The following TMEM80 variants were observed in gnomAD, a reference collection of about 807,000 sequenced individuals.
The protein encoded by TMEM80 is transmembrane protein 80.
TMEM80 carries 16 observed loss-of-function variants against 13.6 expected under a neutral mutation model. The observed-to-expected ratio is 1.17, with a 90% confidence interval of 0.79 to 1.78. The LOEUF (loss-of-function observed/expected upper bound fraction) is 1.78. Among genes scored for constraint, TMEM80 ranks in the 40% most tolerant of loss-of-function variants. The pLI, the probability that TMEM80 is intolerant of heterozygous loss-of-function variation, is 0.00. For missense variants in TMEM80, 167 were observed against 184.6 expected (o/e 0.90, Z 0.55); for synonymous variants, 92 against 89.5 (o/e 1.03, Z -0.16).
intron 4 of TMEM80, among the ~76,000 whole-genome samples, chr11:701,923 G>C (rs1861516049): frequency 6.6e-6 from 1 of 152,224 alleles, no homozygotes; most frequent in African/African-American, 2.4e-5. Flanking sequence ...CCAGCGGGGT[G>C]CAGACTTCCA....
chr11:699,947 G>A (rs920348823), intron 2 of TMEM80, 195 bp from the exon 3 acceptor site: 65 of 564,082 alleles, frequency 1.2e-4, no homozygotes, highest in Non-Finnish European at 2.0e-4. Context: ...CAAAGGCCTT[G>A]TCAGCTCATG....
At chr11:698,909 C>T in intron 2 of TMEM80, 21 bp downstream of exon 2, 1 of 1,614,034 alleles carries the variant, frequency 6.2e-7, no homozygotes, top group Non-Finnish European at 8.5e-7. Flanking sequence ...GCGTGCCCCT[C>T]CAGGACAGCA....
downstream of TMEM80, chr11:704,161 A>C: frequency 1.8e-6 from 2 of 1,082,558 alleles, no homozygotes; most frequent in Non-Finnish European, 1.2e-6. Context: ...CCCCCACCCC[A>C]TCTCCAGTTC....
Position 703,539 on chromosome 11 carries a change from A to C in TMEM80, c.*389A>C. On this transcript the variant is annotated 3_prime_UTR_variant, in exon 5 of 5. Coordinates refer to ENST00000397510, the MANE Select transcript of TMEM80 (RefSeq NM_001042463.3). ...GAGGCCTCATCTCACTGCATCCCCC[A>C]TCACCCCCTAGTTCCCCAATGGTCC... 1 of 1,234,062 alleles carries C rather than the reference A, an allele frequency of 8.1e-7. No individual in the cohort carries two copies. Among genetic ancestry groups the C allele is most frequent in the Non-Finnish European group, 1.0e-6 (1 of 989,732 alleles). The allele number at this position is 1,234,062 out of a possible 1,614,324, so 76.4% of individuals were successfully genotyped here. A position where few individuals can be genotyped will look rare whatever the true frequency, so the allele number is the denominator to read the frequency against.
In TMEM80 at chr11:703,769, A is replaced by AT; in HGVS notation, c.*622dup. ...AAGCCAACAGCTCTGCTGCCTAGCAATTTCCATCTTAGCCACACTTCTCCC... is the reference window on the plus strand; with the variant it reads ...AAGCCAACAGCTCTGCTGCCTAGCAATTTTCCATCTTAGCCACACTTCTCCC... On this transcript the variant is annotated 3_prime_UTR_variant, in exon 5 of 5. Coordinates refer to ENST00000397510, the MANE Select transcript of TMEM80 (RefSeq NM_001042463.3). 1 of 1,232,980 alleles carries AT rather than the reference A, an allele frequency of 8.1e-7. No individual in the cohort carries two copies. 76.4% of individuals were successfully genotyped at this position (1,232,980 alleles called of 1,614,324 possible).
intron 2 of TMEM80, chr11:699,751 CA>C (rs891952478): frequency 0.019 from 3,092 of 165,180 alleles, 13 homozygotes; most frequent in South Asian, 0.032. Context: ...GACTCTATCT[CA>C]AAAAAAAAAA....
At position 700,141 on chromosome 11, in the gene TMEM80, G is replaced by A. The variant is rs767638025; in HGVS notation, c.40-1G>A. ...CTTGAGGATCCTTAACCACTCACCA[G>A]CTCTCTTCAGTTCCCCTTCAAATGC... On this transcript the variant is annotated splice_acceptor_variant, in intron 2 of 4. Coordinates refer to ENST00000397510, the MANE Select transcript of TMEM80 (RefSeq NM_001042463.3). LOFTEE classifies it high-confidence loss of function. 2 of 1,613,820 alleles carry A rather than the reference G, an allele frequency of 1.2e-6. No individual in the cohort carries two copies. The highest frequency in any genetic ancestry group is 2.7e-5 in the African/African-American group (2 of 74,918).
intron 1 of TMEM80, 137 bp from the exon 2 acceptor site, chr11:698,731 CG>C (rs1299517111): frequency 1.0e-6 from 1 of 988,348 alleles, no homozygotes; most frequent in African/African-American, 1.6e-5. Flanking sequence ...GGCAGGCCCA[CG>C]GTATATGTTT....
In TMEM80 at chr11:700,674, A is replaced by T. The variant is rs749921092; in HGVS notation, c.193A>T (p.Met65Leu). The change falls in exon 4 of 5, where the codon ATG becomes TTG. Residue 65 changes from methionine (M) to leucine (L), a missense_variant. Transcript: ENST00000397510. ...LVLDLALLFL[M>L]GILEAVRLYL... ...CCTCGATCTTGCTCTGCTGTTTCTG[A>T]TGGGGATTCTAGAAGCAGTTCGGTT... 1 of 1,613,970 alleles carries T rather than the reference A, an allele frequency of 6.2e-7. No homozygotes were observed. The highest frequency in any genetic ancestry group is 1.1e-5 in the South Asian group (1 of 91,074).
chr11:703,339 GC>G lies in TMEM80; in HGVS notation c.*192del. The G allele has an allele frequency of 7.1e-7, 1 of 1,401,038 alleles. No homozygotes were observed. The highest frequency in any genetic ancestry group is 9.3e-7 in the Non-Finnish European group (1 of 1,079,154). 86.8% of individuals were successfully genotyped at this position (1,401,038 alleles called of 1,614,324 possible). ...GCCAGGGCAGAACAAACTGCTGGAG[GC>G]CCTGGTGTTGGGAACAGCTGCGGGG... On this transcript the variant is annotated 3_prime_UTR_variant, in exon 5 of 5. Coordinates refer to ENST00000397510, the MANE Select transcript of TMEM80 (RefSeq NM_001042463.3).
chr11:699,124 C>T (rs891263839), intron 2 of TMEM80: 12 of 511,198 alleles, frequency 2.3e-5, no homozygotes, highest in East Asian at 6.1e-5. Flanking sequence ...GCCACACTGC[C>T]GGCTCCCAAG....
chr11:700,779 TA>T (rs771084441), intron 4 of TMEM80, 72 bp downstream of exon 4: 152 of 1,375,084 alleles, frequency 1.1e-4, no homozygotes, highest in Non-Finnish European at 1.5e-4. Context: ...CTTTCAAGAG[TA>T]ATTATTTTAT....
chr11:697,296 T>C (rs188649201), intron 1 of TMEM80, among the ~76,000 whole-genome samples: 52 of 152,290 alleles, frequency 3.4e-4, no homozygotes, highest in Admixed American at 2.6e-3. Context: ...TCTTAACACA[T>C]CTTGTCCATT....
chr11:704,586 C>G, downstream of TMEM80: 4 of 1,279,702 alleles, frequency 3.1e-6, no homozygotes, highest in Non-Finnish European at 4.1e-6. Flanking sequence ...AGCCCACAAA[C>G]CATGCAGACC....
intron 1 of TMEM80, chr11:698,136 C>T (rs932641844): frequency 1.3e-5 from 2 of 152,966 alleles, no homozygotes; most frequent in African/African-American, 4.8e-5. Context: ...CATGGAGGGA[C>T]GTGCACATAT....
chr11:700,074 T>C, intron 2 of TMEM80, 68 bp from the exon 3 acceptor site: 1 of 1,369,724 alleles, frequency 7.3e-7, no homozygotes, highest in South Asian at 1.2e-5. Context: ...AACCAGCCCC[T>C]CTTGTTCAGC....
At chr11:699,892 C>A (rs1564961447) in intron 2 of TMEM80, 2 of 482,668 alleles carry the variant, frequency 4.1e-6, no homozygotes, top group Non-Finnish European at 7.4e-6. Flanking sequence ...AGGGCAGGGG[C>A]TGCAGTGCAC....
intron 1 of TMEM80, among the ~76,000 whole-genome samples, chr11:696,647 G>A (rs1461625380): frequency 6.7e-6 from 1 of 149,110 alleles, no homozygotes; most frequent in Non-Finnish European, 1.5e-5. Context: ...ACCCCTGTGG[G>A]CCAAGCTATT....
chr11:704,373 C>A, downstream of TMEM80: 3 of 1,104,180 alleles, frequency 2.7e-6, no homozygotes, highest in Non-Finnish European at 2.4e-6. Flanking sequence ...TCCTGCCTGT[C>A]TTCGTGGAAG....
Sources: gnomAD v4.1 joint callset for allele counts (sites outside exome capture counted in the v4.1 genomes callset) on GRCh38, gnomAD v4.1.1 for gene constraint, MANE v1.5 for transcripts, NCBI Gene and HGNC (gene_info 2026-07-23, HGNC 2026-07-21) for gene names.